ME2: variants seen among roughly 807,000 people sequenced by gnomAD.
ME2 encodes NAD-dependent malic enzyme, mitochondrial.
Under a neutral mutation model 73.7 loss-of-function variants are expected in ME2, and 60 were observed. That is an observed-to-expected ratio of 0.81 (90% CI 0.66 to 1.01). The LOEUF is 1.01. ME2 is among the 50% of genes least tolerant of loss of function. The probability of loss-of-function intolerance (pLI) is 0.00; values close to 1 mark genes in which losing one functional copy is unlikely to be tolerated. For missense variants in ME2, 594 were observed against 705.5 expected (o/e 0.84, Z 1.79); for synonymous variants, 199 against 236.9 (o/e 0.84, Z 1.47).
rs1324054883 is a variant in ME2 at position 50,916,331 on chromosome 18, G to A, written c.468+88G>A. 6.6e-6 allele frequency: 7 copies of A among 1,055,148 alleles called. No individual in the cohort carries two copies. The East Asian group carries it at 1.7e-4, about 26-fold the overall frequency. The allele number at this position is 1,055,148 out of a possible 1,614,324, so 65.4% of individuals were successfully genotyped here. A position where few individuals can be genotyped will look rare whatever the true frequency, so the allele number is the denominator to read the frequency against. On this transcript the variant is annotated intron_variant, in intron 5 of 15. Transcript: ENST00000321341. ...TCTCCAAGAACAGTTTTTCATTGTTGCTCTCATTTATTTTGCACTTATATA... is the reference window on the plus strand; with the variant it reads ...TCTCCAAGAACAGTTTTTCATTGTTACTCTCATTTATTTTGCACTTATATA...
At chr18:50,886,035 T>C (rs943256177) in intron 1 of ME2, among the ~76,000 whole-genome samples, 18 of 152,256 alleles carry the variant, frequency 1.2e-4, no homozygotes, top group Middle Eastern at 3.4e-3. Flanking sequence ...TTCTTTTAGA[T>C]TGTACACATT....
intron 11 of ME2, among the ~76,000 whole-genome samples, chr18:50,924,525 A>C (rs181704120): frequency 5.0e-4 from 76 of 152,298 alleles, no homozygotes; most frequent in African/African-American, 1.7e-3. Flanking sequence ...GCAGACTCAA[A>C]GTTTTCGTGG....
chr18:50,929,053 T>A (rs1037969541), intron 12 of ME2, among the ~76,000 whole-genome samples: 1 of 152,126 alleles, frequency 6.6e-6, no homozygotes, highest in Admixed American at 6.6e-5. Flanking sequence ...TTTTTTAAAT[T>A]GTAACCAGAG....
chr18:50,902,119 C>G (rs1916905284), intron 2 of ME2, among the ~76,000 whole-genome samples: 3 of 152,090 alleles, frequency 2.0e-5, no homozygotes, highest in Admixed American at 2.0e-4. Context: ...ATAGTAAATA[C>G]CTATGCAAAC....
At chr18:50,938,330 A>AT in intron 13 of ME2, among the ~76,000 whole-genome samples, 1 of 152,194 alleles carries the variant, frequency 6.6e-6, no homozygotes, top group African/African-American at 2.4e-5. Context: ...TTGCCAAAAA[A>AT]ATTTTTTTTT....
chr18:50,886,777 G>C (rs536300849), intron 1 of ME2, among the ~76,000 whole-genome samples: 1 of 152,118 alleles, frequency 6.6e-6, no homozygotes, highest in Non-Finnish European at 1.5e-5. Context: ...AAGACTGACA[G>C]ATCAATTGAG....
chr18:50,899,914 A>C (rs1599094524), intron 2 of ME2, among the ~76,000 whole-genome samples: 1 of 152,198 alleles, frequency 6.6e-6, no homozygotes, highest in African/African-American at 2.4e-5. Flanking sequence ...TGAATGCATA[A>C]ACAGATGAGC....
intron 2 of ME2, among the ~76,000 whole-genome samples, chr18:50,898,669 G>A (rs1260175861): frequency 6.6e-6 from 1 of 152,182 alleles, no homozygotes; most frequent in Non-Finnish European, 1.5e-5. Context: ...CTGGGCTCAG[G>A]TGATCCGCCT....
chr18:50,916,184 A>C lies in ME2; in HGVS notation c.409A>C (p.Ile137Leu). Reference sequence around the variant, plus strand: ...CTGTTGCAGGGGATTATTTATTTCGATCTCAGACAGAGGTCATGTTAGATC... The same window carrying C: ...CTGTTGCAGGGGATTATTTATTTCGCTCTCAGACAGAGGTCATGTTAGATC... ...FRRPKGLFIS[I>L]SDRGHVRSIV... Residue 137 changes from isoleucine to leucine, a missense_variant, in exon 5 of 16, where the codon ATC becomes CTC. Transcript: ENST00000321341. 6.2e-7 allele frequency: 1 copy of C among 1,611,342 alleles called. No homozygotes were observed. Among genetic ancestry groups the C allele is most frequent in the African/African-American group, 1.3e-5 (1 of 74,958 alleles).
At chr18:50,944,130 C>G (rs546420090) in intron 15 of ME2, among the ~76,000 whole-genome samples, 10 of 152,272 alleles carry the variant, frequency 6.6e-5, no homozygotes, top group African/African-American at 1.9e-4. Flanking sequence ...GGGAGGATCA[C>G]TTAAACACAG....
chr18:50,914,385 C>G (rs1375872552), intron 4 of ME2, among the ~76,000 whole-genome samples: 1 of 152,184 alleles, frequency 6.6e-6, no homozygotes, highest in African/African-American at 2.4e-5. Context: ...GATTCAGATT[C>G]AGTTAGTCTA....
intron 3 of ME2, among the ~76,000 whole-genome samples, chr18:50,909,951 C>T (rs1917108181): frequency 6.6e-6 from 1 of 152,076 alleles, no homozygotes; most frequent in African/African-American, 2.4e-5. Context: ...AACATAAATA[C>T]AGATAGTAAG....
At chr18:50,925,021 T>A (rs1917515522) in intron 11 of ME2, among the ~76,000 whole-genome samples, 1 of 151,142 alleles carries the variant, frequency 6.6e-6, no homozygotes, top group South Asian at 2.1e-4. Context: ...ACAACCACCA[T>A]TCTACTTTTT....
chr18:50,931,744 G>A (rs945831710), intron 12 of ME2, among the ~76,000 whole-genome samples: 6 of 150,782 alleles, frequency 4.0e-5, no homozygotes, highest in African/African-American at 1.2e-4. Context: ...GCGTGCTATC[G>A]GCTCACTGCA....
At chr18:50,940,427 C>A in intron 15 of ME2, 41 bp downstream of exon 15, 1 of 1,249,100 alleles carries the variant, frequency 8.0e-7, no homozygotes, top group Non-Finnish European at 1.1e-6. Context: ...ATTTTAATGA[C>A]ATTTTCTTAT....
At chr18:50,906,532 C>T (rs1288515460) in intron 2 of ME2, among the ~76,000 whole-genome samples, 1 of 152,030 alleles carries the variant, frequency 6.6e-6, no homozygotes, top group Non-Finnish European at 1.5e-5. Context: ...AAGCTGGTCT[C>T]GAATTCCTGA....
chr18:50,935,313 G>GTTT (rs1917789955), intron 13 of ME2: 1 of 152,026 alleles, frequency 6.6e-6, no homozygotes, highest in East Asian at 1.9e-4. Flanking sequence ...AAGAAAAACA[G>GTTT]ACACACTGAA....
chr18:50,916,332 C>T, intron 5 of ME2, 89 bp downstream of exon 5: 2 of 1,050,216 alleles, frequency 1.9e-6, no homozygotes, highest in South Asian at 2.8e-5. Flanking sequence ...TTCATTGTTG[C>T]TCTCATTTAT....
intron 1 of ME2, among the ~76,000 whole-genome samples, chr18:50,893,409 TAATG>T (rs1055167504): frequency 1.3e-5 from 2 of 152,182 alleles, no homozygotes; most frequent in Admixed American, 1.3e-4. Flanking sequence ...AGCACCTGCT[TAATG>T]AATAAGACCA....
Sources: allele counts gnomAD v4.1 joint callset (sites outside exome capture counted in the v4.1 genomes callset), GRCh38; gene constraint gnomAD v4.1.1; transcripts MANE v1.5; gene names NCBI Gene and HGNC (gene_info 2026-07-23, HGNC 2026-07-21).